The following LRRK1 variants were observed in gnomAD, a reference collection of about 807,000 sequenced individuals.
LRRK1 encodes the protein leucine-rich repeat serine/threonine-protein kinase 1.
A neutral mutation model predicts 209.1 loss-of-function variants in LRRK1; 113 were observed. That is an observed-to-expected ratio of 0.54 (90% confidence interval 0.46 to 0.63). The LOEUF (loss-of-function observed/expected upper bound fraction) is 0.63. Among genes scored for constraint, LRRK1 ranks in the 30% least tolerant of loss-of-function variants. The probability of loss-of-function intolerance (pLI) is 0.00; values close to 1 mark genes in which losing one functional copy is unlikely to be tolerated. For missense variants in LRRK1, 2,284 were observed against 2,632.2 expected, an observed-to-expected ratio of 0.87 and a Z score of 2.89; for synonymous variants, 1,144 against 1,099.7, an observed-to-expected ratio of 1.04 and a Z score of -0.80.
rs1342862128 is a variant in LRRK1, at chr15:101,077,188, G to A, written c.*8340G>A. Reference sequence around the variant, plus strand: ...GAATGCTACAAGGTACAGCCCATTTGAGCTCCTGTATAGACGCTCCTTTTT... The same window carrying A: ...GAATGCTACAAGGTACAGCCCATTTAAGCTCCTGTATAGACGCTCCTTTTT... On this transcript the variant is annotated 3_prime_UTR_variant, in exon 34 of 34. Transcript: ENST00000388948. 2.0e-5 allele frequency: 3 copies of A among 152,214 alleles called. No homozygotes were observed. The highest frequency in any genetic ancestry group is 4.4e-5 in the Non-Finnish European group (3 of 68,032). 9.4% of individuals were successfully genotyped at this position (152,214 alleles called of 1,614,324 possible). A position where few individuals can be genotyped will look rare whatever the true frequency, so the allele number is the denominator to read the frequency against.
intron 6 of LRRK1, among the ~76,000 whole-genome samples, chr15:101,004,685 C>A (rs994600257): frequency 6.6e-6 from 1 of 152,176 alleles, no homozygotes; most frequent in Non-Finnish European, 1.5e-5. Context: ...ACCTCCACTG[C>A]GGCTTGCCCA....
At chr15:101,057,447 T>G (rs911531862) in intron 28 of LRRK1, among the ~76,000 whole-genome samples, 7 of 152,112 alleles carry the variant, frequency 4.6e-5, no homozygotes, top group African/African-American at 1.7e-4. Context: ...GACGGTGGTG[T>G]TTTTGTGTTT....
chr15:101,062,784 C>T (rs747200982), intron 31 of LRRK1, 94 bp downstream of exon 31: 161 of 898,184 alleles, frequency 1.8e-4, no homozygotes, highest in Non-Finnish European at 2.1e-4. Flanking sequence ...GCCTGCAGAG[C>T]CACACCTAGG....
intron 27 of LRRK1, among the ~76,000 whole-genome samples, chr15:101,055,874 G>C (rs1295607089): frequency 6.6e-6 from 1 of 152,192 alleles, no homozygotes; most frequent in Non-Finnish European, 1.5e-5. Flanking sequence ...TGATCACCCA[G>C]CATTAAAATT....
In LRRK1 at chr15:101,026,078, C is replaced by G; in HGVS notation, c.2346C>G (p.Cys782Trp). ...TGCGTGCCTATGTGCTGGCACTCTG[C>G]CGCTCCCCCTCCGGCTCCAGGGCCA... ...ATLRAYVLAL[C>W]RSPSGSRATG... Residue 782 changes from cysteine (C) to tryptophan (W), a missense_variant, in exon 17 of 34, where the codon TGC (cysteine) becomes TGG (tryptophan). Cys to Trp is a radical substitution (Grantham distance 215). Coordinates refer to ENST00000388948, the MANE Select transcript of LRRK1 (RefSeq NM_024652.6). 6.2e-7 allele frequency: 1 copy of G among 1,614,226 alleles called. No individual in the cohort carries two copies. Among genetic ancestry groups the G allele is most frequent in the East Asian group, 2.2e-5 (1 of 44,886 alleles).
At chr15:101,006,372 T>TAAAAAAAAAAA (rs56053663) in intron 6 of LRRK1, among the ~76,000 whole-genome samples, 2 of 114,460 alleles carry the variant, frequency 1.7e-5, no homozygotes, top group Admixed American at 8.4e-5. Flanking sequence ...GACAATGTGA[T>TAAAAAAAAAAA]AAAAAAAAAA....
In LRRK1 at chr15:101,066,722, C is replaced by T. The variant is rs1296137445; in HGVS notation, c.5851C>T (p.Arg1951Ter). ...CCGAGTCATTGCCGTCTTAAAAGCCCGAGAGCTGACTCCGCATGGGTAAGA... is the reference window on the plus strand; with the variant it reads ...CCGAGTCATTGCCGTCTTAAAAGCCTGAGAGCTGACTCCGCATGGGTAAGA... ...RGRVIAVLKARELTPHGVLVD... is the reference protein window; with the variant it reads ...RGRVIAVLKA The change falls in exon 33 of 34, where the codon CGA becomes TGA. Residue 1951 changes from arginine (R) to a stop codon, truncating the protein, a stop_gained. Coordinates refer to ENST00000388948, the MANE Select transcript of LRRK1 (RefSeq NM_024652.6). LOFTEE classifies it high-confidence loss of function. The T allele has an allele frequency of 1.9e-6, 3 of 1,613,988 alleles. No individual in the cohort carries two copies. The highest frequency in any genetic ancestry group is 2.2e-5 in the East Asian group (1 of 44,898).
In LRRK1 at chr15:101,066,287, G is replaced by T. The variant is rs902033001; in HGVS notation, c.5768+82G>T. ...GGACAGAGCAAGGGGAAGCCCCCTG[G>T]CTTCCTTACAGGTCATGTGGGGAGG... On this transcript the variant is annotated intron_variant, in intron 32 of 33. Coordinates refer to ENST00000388948, the MANE Select transcript of LRRK1 (RefSeq NM_024652.6). 12 of 1,500,296 alleles carry T rather than the reference G, an allele frequency of 8.0e-6. No individual in the cohort carries two copies. In the South Asian group the frequency reaches 1.3e-4, roughly 17 times the overall value. 92.9% of individuals were successfully genotyped at this position (1,500,296 alleles called of 1,614,324 possible). A position where few individuals can be genotyped will look rare whatever the true frequency, so the allele number is the denominator to read the frequency against.
chr15:100,924,595 C>T lies in LRRK1; in HGVS notation c.-38C>T, dbSNP rs559034752. 30 of 1,589,994 alleles carry T rather than the reference C, an allele frequency of 1.9e-5. No individual in the cohort carries two copies. Among genetic ancestry groups the T allele is most frequent in the Admixed American group, 1.2e-4 (7 of 59,938 alleles). ...CCAGCGGCAGTGGCAGTGACAACAG[C>T]GGGACCTGCCTTTGAAGATCGGCTG... On this transcript the variant is annotated 5_prime_UTR_variant, in exon 2 of 34. Coordinates refer to ENST00000388948, the MANE Select transcript of LRRK1 (RefSeq NM_024652.6).
In LRRK1 at chr15:101,047,891, T is replaced by C. The variant is rs539685765; in HGVS notation, c.3136-603T>C. Among the ~76,000 whole-genome samples, 44 of 152,298 alleles carry C rather than the reference T, an allele frequency of 2.9e-4. 1 individual carries two copies. Among genetic ancestry groups the C allele is most frequent in the African/African-American group, 1.0e-3 (43 of 41,548 alleles). On this transcript the variant is annotated intron_variant, in intron 21 of 33. Transcript: ENST00000388948. ...TGTGCCTTTCTCATGTAACTCAAGG[T>C]GGTTTTGAGGGAGCAAAAGATTGGC...
rs1304619504 is a variant in LRRK1, at chr15:101,065,592, G to A, written c.5155G>A (p.Ala1719Thr). The change falls in exon 32 of 34, where the codon GCC (alanine) becomes ACC (threonine). Residue 1719 changes from alanine to threonine, a missense_variant. This residue lies in a region of LRRK1 where 643 missense variants were observed against 695.9 expected (regional missense o/e 0.92). Transcript: ENST00000388948. Reference sequence around the variant, plus strand: ...GCCGGGCCTCCTTGTCATCGACTGTGCCTCCCTGGAGATCTGCAGGCGGCT... The same window carrying A: ...GCCGGGCCTCCTTGTCATCGACTGTACCTCCCTGGAGATCTGCAGGCGGCT... ...NGPGLLVIDCASLEICRRLEP... is the reference protein window; with the variant it reads ...NGPGLLVIDCTSLEICRRLEP... 4 of 1,614,230 alleles carry A rather than the reference G, an allele frequency of 2.5e-6. No individual in the cohort carries two copies. Among genetic ancestry groups the A allele is most frequent in the African/African-American group, 1.3e-5 (1 of 75,064 alleles).
At chr15:100,949,311 CA>C (rs2042600434) in intron 2 of LRRK1, among the ~76,000 whole-genome samples, 1 of 152,050 alleles carries the variant, frequency 6.6e-6, no homozygotes, top group East Asian at 1.9e-4. Flanking sequence ...ACAAACTATC[CA>C]AACTGACTCA....
chr15:100,991,622 T>C (rs1006826747), intron 6 of LRRK1, among the ~76,000 whole-genome samples: 2 of 152,192 alleles, frequency 1.3e-5, no homozygotes, highest in African/African-American at 4.8e-5. Context: ...TTACTAGAAT[T>C]CCTCAATACT....
chr15:100,986,318 C>G (rs537490553), intron 4 of LRRK1, among the ~76,000 whole-genome samples: 99 of 152,346 alleles, frequency 6.5e-4, no homozygotes, highest in African/African-American at 2.1e-3. Flanking sequence ...GATTCCTGGT[C>G]TCTGAAGCTG....
chr15:100,979,328 GA>G lies in LRRK1; in HGVS notation c.262-4198del, dbSNP rs1362304935. On this transcript the variant is annotated intron_variant, in intron 3 of 33. Transcript: ENST00000388948. ...TCCCCTGAGATCAGGAACAAGGCAA[GA>G]ATGTCCATTCTCAATATAATACTGC... Among the ~76,000 whole-genome samples the G allele has an allele frequency of 2.0e-5, 3 of 152,258 alleles. No homozygotes were observed. In the East Asian group the frequency reaches 5.8e-4, roughly 29 times the overall value.
chr15:101,062,747 G>A, intron 31 of LRRK1, 57 bp downstream of exon 31: 1 of 1,281,466 alleles, frequency 7.8e-7, no homozygotes, highest in Non-Finnish European at 1.1e-6. Context: ...ACGCCTAGGA[G>A]GCGTCTCCTA....
intron 20 of LRRK1, among the ~76,000 whole-genome samples, chr15:101,037,038 C>T (rs1334458733): frequency 1.3e-5 from 2 of 152,204 alleles, no homozygotes; most frequent in Non-Finnish European, 2.9e-5. Flanking sequence ...GTGGTATACA[C>T]TGGCACCAGT....
At chr15:100,992,331 T>C (rs1343388033) in intron 6 of LRRK1, among the ~76,000 whole-genome samples, 2 of 152,226 alleles carry the variant, frequency 1.3e-5, no homozygotes, top group East Asian at 1.9e-4. Flanking sequence ...CTTTCCCTTA[T>C]ATGCAAGTCA....
intron 2 of LRRK1, among the ~76,000 whole-genome samples, chr15:100,930,430 G>A (rs2042191377): frequency 6.6e-6 from 1 of 152,132 alleles, no homozygotes; most frequent in Non-Finnish European, 1.5e-5. Context: ...CCGTGGACCG[G>A]CTTTCAGGAG....
Sources: gnomAD v4.1 joint callset for allele counts (sites outside exome capture counted in the v4.1 genomes callset) on GRCh38, gnomAD v4.1.1 for gene constraint, gnomAD v4.1.1 regional missense constraint, MANE v1.5 for transcripts, NCBI Gene and HGNC (gene_info 2026-07-23, HGNC 2026-07-21) for gene names.